The following ENO4 variants were observed in gnomAD, a reference collection of about 807,000 sequenced individuals.
The protein encoded by ENO4 is 2-phospho-D-glycerate hydro-lyase.
Under a neutral mutation model 63.2 loss-of-function variants are expected in ENO4, and 53 were observed. The observed-to-expected ratio is 0.84, with a 90% CI of 0.67 to 1.05. ENO4 has a LOEUF of 1.05. Ranked by LOEUF, ENO4 falls within the 50% of genes least tolerant of loss-of-function variation. ENO4 has a pLI of 0.00. For missense variants in ENO4, 719 were observed against 772.0 expected, an observed-to-expected ratio of 0.93 and a Z score of 0.81; for synonymous variants, 266 against 283.8, an observed-to-expected ratio of 0.94 and a Z score of 0.63.
At chr10:116,901,229 G>A in intron 10 of ENO4, 1 of 985,092 alleles carries the variant, frequency 1.0e-6, no homozygotes, top group Non-Finnish European at 1.2e-6. Context: ...TTCAATAGCA[G>A]GATTAACTCT....
chr10:116,889,760 G>C (rs1046178479), intron 10 of ENO4, among the ~76,000 whole-genome samples: 2 of 152,198 alleles, frequency 1.3e-5, no homozygotes, highest in African/African-American at 4.8e-5. Context: ...CATGTTTACT[G>C]ATTTCATTCT....
At chr10:116,891,319 G>C (rs770687337) in intron 10 of ENO4, among the ~76,000 whole-genome samples, 29 of 152,144 alleles carry the variant, frequency 1.9e-4, no homozygotes, top group Non-Finnish European at 4.1e-4. Context: ...CTTTCAAATC[G>C]CAACAGCTGG....
At chr10:116,878,302 G>T (rs924556599) in intron 11 of ENO4, among the ~76,000 whole-genome samples, 2 of 152,216 alleles carry the variant, frequency 1.3e-5, no homozygotes, top group African/African-American at 4.8e-5. Flanking sequence ...GGCCTGGGTT[G>T]GTGCCAGAGG....
intron 7 of ENO4, among the ~76,000 whole-genome samples, chr10:116,863,386 A>ACACACG (rs1225024881): frequency 1.3e-5 from 2 of 151,142 alleles, no homozygotes; most frequent in Admixed American, 1.3e-4. Flanking sequence ...ACACACACAC[A>ACACACG]CGCACACACC....
intron 11 of ENO4, among the ~76,000 whole-genome samples, chr10:116,878,425 G>A (rs1846896790): frequency 6.6e-6 from 1 of 152,138 alleles, no homozygotes; most frequent in African/African-American, 2.4e-5. Flanking sequence ...TCACAGACTG[G>A]CACATTTCAA....
rs189673431 is a variant in ENO4 at position 116,872,067 on chromosome 10, G to A, written c.1215+775G>A. 2.1e-3 allele frequency among the ~76,000 whole-genome samples: 327 copies of A among 152,156 alleles called. 1 individual carries two copies. The highest frequency in any genetic ancestry group is 3.5e-3 in the Non-Finnish European group (239 of 67,998). ...AAAAAATTAGCTGGGCGTGGTGGTG[G>A]GCTTCTGTAATCTCAGCTACTCAGG... On this transcript the variant is annotated intron_variant, in intron 9 of 13. Coordinates refer to ENST00000341276, the MANE Select transcript of ENO4 (RefSeq NM_001242699.2).
chr10:116,878,026 C>G (rs746249386), intron 11 of ENO4, among the ~76,000 whole-genome samples: 6 of 152,272 alleles, frequency 3.9e-5, no homozygotes, highest in East Asian at 1.9e-4. Flanking sequence ...ATGTCTTCAG[C>G]CACTCCTGCC....
chr10:116,862,761 T>G lies in ENO4; in HGVS notation c.937-38T>G, dbSNP rs1447242570. On this transcript the variant is annotated intron_variant, in intron 6 of 13. Transcript: ENST00000341276. ...AAGTTTTTATACTTAAATTTTCTAGTCTGCAACTGTGGAAGATCATGGTTG... is the reference window on the plus strand; with the variant it reads ...AAGTTTTTATACTTAAATTTTCTAGGCTGCAACTGTGGAAGATCATGGTTG... 5 of 1,509,644 alleles carry G rather than the reference T, an allele frequency of 3.3e-6. No homozygotes were observed. The Admixed American group carries it at 5.9e-5, about 18-fold the overall frequency. 93.5% of individuals were successfully genotyped at this position (1,509,644 alleles called of 1,614,324 possible).
At chr10:116,853,841 T>C (rs551292687) in intron 1 of ENO4, among the ~76,000 whole-genome samples, 102 of 152,334 alleles carry the variant, frequency 6.7e-4, no homozygotes, top group African/African-American at 2.2e-3. Flanking sequence ...GCTGTGGGTA[T>C]TAGATGACCT....
At position 116,881,891 on chromosome 10, in the gene ENO4, G is replaced by A; in HGVS notation, c.*222G>A. The A allele has an allele frequency of 2.5e-6, 1 of 395,302 alleles. No homozygotes were observed. Among genetic ancestry groups the A allele is most frequent in the South Asian group, 1.0e-4 (1 of 9,610 alleles). The allele number at this position is 395,302 out of a possible 1,614,324, so 24.5% of individuals were successfully genotyped here. A position where few individuals can be genotyped will look rare whatever the true frequency, so the allele number is the denominator to read the frequency against. On this transcript the variant is annotated 3_prime_UTR_variant, in exon 14 of 14. Coordinates refer to ENST00000341276, the MANE Select transcript of ENO4 (RefSeq NM_001242699.2). ...GCCACCACACTTCCATGTGGATTTT[G>A]TTTGTCTATTAGCTCTCCTGTCCAT...
At chr10:116,860,995 C>A in intron 5 of ENO4, 32 bp downstream of exon 5, 2 of 1,525,454 alleles carry the variant, frequency 1.3e-6, no homozygotes, top group South Asian at 1.2e-5. Context: ...TTAAAAGGAG[C>A]CATGAGTATC....
At chr10:116,908,043 AT>A in intron 10 of ENO4, 1 of 443,122 alleles carries the variant, frequency 2.3e-6, no homozygotes, top group Middle Eastern at 3.4e-4. Flanking sequence ...ATGGTTACAA[AT>A]CTCATAATTA....
chr10:116,872,397 G>T (rs958202491), intron 9 of ENO4, among the ~76,000 whole-genome samples: 2 of 152,044 alleles, frequency 1.3e-5, no homozygotes, highest in African/African-American at 4.8e-5. Flanking sequence ...ATGTATCATG[G>T]GAGGTAACTG....
chr10:116,906,755 GA>G, intron 10 of ENO4: 1 of 1,595,530 alleles, frequency 6.3e-7, no homozygotes, highest in Non-Finnish European at 8.5e-7. Context: ...CCCCTAAAGT[GA>G]AAACAAAACA....
chr10:116,866,575 G>C (rs1402519789), intron 7 of ENO4, among the ~76,000 whole-genome samples: 2 of 152,080 alleles, frequency 1.3e-5, no homozygotes, highest in Admixed American at 1.3e-4. Context: ...TATAATCCCG[G>C]CACTTTTGGG....
downstream of ENO4, chr10:116,911,848 A>C: frequency 6.2e-7 from 1 of 1,607,292 alleles, no homozygotes; most frequent in Non-Finnish European, 8.5e-7. Context: ...TTCTGGCTAT[A>C]ATTTTAATAA....
rs750887648 is a variant in ENO4, at chr10:116,868,688, T to G, written c.1029T>G (p.Asp343Glu). The stretch of plus-strand genomic sequence containing the variant: ...AAGCAGAGACAAAAAAAGGGCACGA[T>G]GGAAGCAAAAGAGGTCAAGTAAGTC... ...PPKAETKKGHDGSKRGQQQIT... is the reference protein window; with the variant it reads ...PPKAETKKGHEGSKRGQQQIT... The change falls in exon 8 of 14, where the codon GAT becomes GAG. Residue 343 changes from aspartate to glutamate, a missense_variant. Physicochemically the swap from Asp to Glu is conservative, Grantham distance 45. Around this residue, in one of 3 missense-constraint regions of ENO4, gnomAD observed 544 missense variants for 583.6 expected, o/e 0.93. Coordinates refer to ENST00000341276, the MANE Select transcript of ENO4 (RefSeq NM_001242699.2). The G allele has an allele frequency of 1.9e-6, 3 of 1,550,520 alleles. No individual in the cohort carries two copies. In the South Asian group the frequency reaches 3.6e-5, roughly 18 times the overall value.
intron 10 of ENO4, among the ~76,000 whole-genome samples, chr10:116,894,422 T>C (rs890420111): frequency 7.2e-5 from 11 of 152,344 alleles, no homozygotes; most frequent in South Asian, 6.2e-4. Flanking sequence ...AAACTGCCTG[T>C]CTGGCAGTTA....
chr10:116,875,155 T>C (rs561056297), intron 10 of ENO4, among the ~76,000 whole-genome samples: 1 of 152,300 alleles, frequency 6.6e-6, no homozygotes, highest in East Asian at 1.9e-4. Flanking sequence ...ATTGAACAGA[T>C]ATCTTCTTTG....
Sources: gnomAD v4.1 joint callset for allele counts (sites outside exome capture counted in the v4.1 genomes callset) on GRCh38, gnomAD v4.1.1 for gene constraint, gnomAD v4.1.1 regional missense constraint, MANE v1.5 for transcripts, NCBI Gene and HGNC (gene_info 2026-07-23, HGNC 2026-07-21) for gene names.